GREB1: variants seen among roughly 807,000 people sequenced by gnomAD.
GREB1 encodes growth regulating estrogen receptor binding 1, also known as protein GREB1.
A neutral mutation model predicts 200.7 loss-of-function variants in GREB1; 106 were observed. The observed-to-expected ratio is 0.53, with a 90% confidence interval of 0.45 to 0.62. The LOEUF (loss-of-function observed/expected upper bound fraction) is 0.62, where lower values mean the gene tolerates loss of function less well. GREB1 is among the 20% of genes least tolerant of loss of function. GREB1 has a pLI of 0.00. For synonymous variants in GREB1, 1,132 were observed against 1,092.4 expected (o/e 1.04, Z -0.72); for missense variants, 2,243 against 2,556.8 (o/e 0.88, Z 2.65).
chr2:11,570,401 T>TAAA (rs202175567), intron 4 of GREB1, among the ~76,000 whole-genome samples: 12 of 132,310 alleles, frequency 9.1e-5, no homozygotes, highest in African/African-American at 2.4e-4. Flanking sequence ...GAAACTCCAT[T>TAAA]AAAAAAAAAA....
chr2:11,578,618 T>C (rs553638342), intron 6 of GREB1, among the ~76,000 whole-genome samples, 187 bp downstream of exon 6: 81 of 152,378 alleles, frequency 5.3e-4, no homozygotes, highest in African/African-American at 1.9e-3. Context: ...AGGTTTTTCA[T>C]TGGGAGTTTC....
chr2:11,539,037 T>TCTTCTCCTCCTTTCTCCCTTCTCCGCC (rs1553347520), intron 1 of GREB1, among the ~76,000 whole-genome samples: 1 of 57,970 alleles, frequency 1.7e-5, no homozygotes, highest in African/African-American at 3.5e-5. Context: ...TCTTCTCTTC[T>TCTTCTCCTCCTTTCTCCCTTCTCCGCC]CTTCTCTTCT....
At chr2:11,490,764 G>T (rs531556162) in intron 1 of GREB1, among the ~76,000 whole-genome samples, 2 of 121,738 alleles carry the variant, frequency 1.6e-5, no homozygotes, top group South Asian at 2.4e-4. Context: ...GGCCAGGCTG[G>T]TCTTGAACTC....
At chr2:11,557,599 G>A (rs1273671134) in intron 2 of GREB1, among the ~76,000 whole-genome samples, 1 of 152,204 alleles carries the variant, frequency 6.6e-6, no homozygotes, top group Non-Finnish European at 1.5e-5. Context: ...ATTGCACCTA[G>A]AGAAGAACGA....
At chr2:11,522,157 T>C (rs1207377722) in intron 1 of GREB1, among the ~76,000 whole-genome samples, 2 of 152,188 alleles carry the variant, frequency 1.3e-5, no homozygotes, top group African/African-American at 4.8e-5. Context: ...ATTTGCATTA[T>C]AAGATTTTCA....
chr2:11,519,601 A>G (rs1572581309), intron 1 of GREB1, among the ~76,000 whole-genome samples: 1 of 151,592 alleles, frequency 6.6e-6, no homozygotes, highest in Admixed American at 6.6e-5. Flanking sequence ...GATTACAGGC[A>G]CCTGCCATCA....
rs116188227 is a variant in GREB1 at position 11,622,837 on chromosome 2, G to T, written c.4147+1830G>T. 2.6e-5 allele frequency among the ~76,000 whole-genome samples: 4 copies of T among 152,336 alleles called. No individual in the cohort carries two copies. The South Asian group carries it at 8.3e-4, about 32-fold the overall frequency. ...GGTCCTCTGGGTCAGGACTCTGGCC[G>T]GAGTGGAAGTCAGACTTAGGGACAG... On this transcript the variant is annotated intron_variant, in intron 23 of 32. Transcript: ENST00000381486.
intron 1 of GREB1, among the ~76,000 whole-genome samples, chr2:11,520,575 A>G (rs1403133101): frequency 6.6e-6 from 1 of 152,146 alleles, no homozygotes. Context: ...GGGTTGGTCA[A>G]GTCTCTCTCA....
chr2:11,626,962 A>G lies in GREB1; in HGVS notation c.4307A>G (p.Asp1436Gly), dbSNP rs760066060. ...TTTAATCCTGGGGAATTTGGTGCAG[A>G]CAGAGGGATGTCCCGGAAGCCGGAG... ...CSHYQGIKSEDRGMSRKPEDL... is the reference protein window; with the variant it reads ...CSHYQGIKSEGRGMSRKPEDL... Residue 1436 changes from aspartate (D) to glycine (G), a missense_variant and splice_region_variant, in exon 25 of 33, where the codon GAC (aspartate) becomes GGC (glycine). Asp to Gly is a moderately conservative substitution (Grantham distance 94). Transcript: ENST00000381486. 2 of 1,614,098 alleles carry G rather than the reference A, an allele frequency of 1.2e-6. No individual in the cohort carries two copies. The highest frequency in any genetic ancestry group is 1.7e-5 in the Admixed American group (1 of 60,016).
chr2:11,490,543 A>G (rs1221432414), intron 1 of GREB1, among the ~76,000 whole-genome samples: 1 of 152,094 alleles, frequency 6.6e-6, no homozygotes, highest in South Asian at 2.1e-4. Flanking sequence ...TTGGTATGGA[A>G]ATGTGTTTGT....
chr2:11,539,017 C>CCTTCT (rs753570964), intron 1 of GREB1, among the ~76,000 whole-genome samples: 7,115 of 80,434 alleles, frequency 0.088, 415 homozygotes, highest in Middle Eastern at 0.1. Flanking sequence ...CCTTCTCCTC[C>CCTTCT]CTTCTCTTCT....
In GREB1 at chr2:11,633,055, G is replaced by A. The variant is rs1685015305; in HGVS notation, c.4983G>A (p.Glu1661=). ...TGGTGGATGTCAACTCTGCTGGGGAGAGAAGCAGGTGAGGTAACCTGAGAG... is the reference window on the plus strand; with the variant it reads ...TGGTGGATGTCAACTCTGCTGGGGAAAGAAGCAGGTGAGGTAACCTGAGAG... The part of the protein sequence containing the change: ...WNVVDVNSAG[E]RSREFSWSER... Residue 1661 remains glutamate (E), a synonymous_variant, in exon 28 of 33, where the codon GAG becomes GAA. Transcript: ENST00000381486. This position sits in a 1 kb window ranked among gnomAD's most constrained non-coding sequence, Gnocchi z 4.1. 1.2e-6 allele frequency: 2 copies of A among 1,613,998 alleles called. No individual in the cohort carries two copies. The highest frequency in any genetic ancestry group is 1.3e-5 in the African/African-American group (1 of 74,940).
chr2:11,511,885 G>C (rs755650758), intron 1 of GREB1, among the ~76,000 whole-genome samples: 1 of 152,218 alleles, frequency 6.6e-6, no homozygotes, highest in Admixed American at 6.5e-5. Flanking sequence ...CTGGCCCAGC[G>C]CTGGTCCGTG....
At chr2:11,528,151 C>A (rs1299745794) in intron 1 of GREB1, among the ~76,000 whole-genome samples, 1 of 152,138 alleles carries the variant, frequency 6.6e-6, no homozygotes, top group African/African-American at 2.4e-5. Flanking sequence ...AGGAAAGTGC[C>A]CTGAATTCAT....
At chr2:11,614,357 C>A (rs1022788940) in intron 19 of GREB1, among the ~76,000 whole-genome samples, 3 of 152,052 alleles carry the variant, frequency 2.0e-5, no homozygotes, top group Non-Finnish European at 4.4e-5. Flanking sequence ...GAACTCCTGA[C>A]CTCAAGTGAT....
At chr2:11,631,531 T>C in intron 26 of GREB1, among the ~76,000 whole-genome samples, 1 of 152,354 alleles carries the variant, frequency 6.6e-6, no homozygotes. Flanking sequence ...CGGATGATTT[T>C]CTGGGCTCTG....
At chr2:11,498,565 T>C (rs760156065) in intron 1 of GREB1, among the ~76,000 whole-genome samples, 15 of 152,178 alleles carry the variant, frequency 9.9e-5, no homozygotes, top group Non-Finnish European at 7.3e-5. Context: ...CGGGACACCG[T>C]GAGTCAGAAC....
In GREB1 at chr2:11,615,091, G is replaced by C; in HGVS notation, c.3123G>C (p.Arg1041Ser). The C allele has an allele frequency of 6.2e-7, 1 of 1,612,314 alleles. No individual in the cohort carries two copies. The highest frequency in any genetic ancestry group is 1.1e-5 in the South Asian group (1 of 91,046). Reference sequence around the variant, plus strand: ...GACACCTTCTTCTGTGTCTTGCTAGGTCTTTGAGGTACTGTGACCTGCGAT... The same window carrying C: ...GACACCTTCTTCTGTGTCTTGCTAGCTCTTTGAGGTACTGTGACCTGCGAT... ...GMDPHGESLP[R>S]SLRYCDLRLI... is the part of the protein sequence containing the mutation. Residue 1041 changes from arginine to serine, a missense_variant and splice_region_variant, in exon 20 of 33, where the codon AGG becomes AGC. Physicochemically the swap from Arg to Ser is moderately radical, Grantham distance 110. Coordinates refer to ENST00000381486, the MANE Select transcript of GREB1 (RefSeq NM_014668.4).
Position 11,492,229 on chromosome 2 carries a change from C to T in GREB1, c.-159+9848C>T, listed in dbSNP as rs931144957. ...ACGCCAGGCCTGAGTGGGCTCTTCC[C>T]TCATGCCCACCCCACTTGGTAGAAG... On this transcript the variant is annotated intron_variant, in intron 1 of 2. Coordinates refer to the GREB1 transcript ENST00000628795. This position sits in a 1 kb window ranked among gnomAD's most constrained non-coding sequence, Gnocchi z 4.0. 6.6e-6 allele frequency among the ~76,000 whole-genome samples: 1 copy of T among 152,218 alleles called. No individual in the cohort carries two copies.
Sources: allele counts gnomAD v4.1 joint callset (sites outside exome capture counted in the v4.1 genomes callset), GRCh38; gene constraint gnomAD v4.1.1; non-coding constraint Gnocchi (gnomAD v3.1); transcripts MANE v1.5; gene names NCBI Gene and HGNC (gene_info 2026-07-23, HGNC 2026-07-21).